The following FAM193A variants were observed in gnomAD, a reference collection of about 807,000 sequenced individuals.
The protein encoded by FAM193A is protein FAM193A.
In FAM193A, 22 loss-of-function variants were observed where a neutral mutation model predicts 126.5. That is an observed-to-expected ratio of 0.17 (90% CI 0.12 to 0.25). FAM193A has a LOEUF of 0.25. Ranked by LOEUF, FAM193A falls within the 10% of genes least tolerant of loss-of-function variation. The pLI is 1.00. For missense variants in FAM193A, 1,675 were observed against 1,672.8 expected, an observed-to-expected ratio of 1.00 and a Z score of -0.02; for synonymous variants, 761 against 646.8, an observed-to-expected ratio of 1.18 and a Z score of -2.68.
At chr4:2,677,734 A>G (rs1289248307) in intron 13 of FAM193A, among the ~76,000 whole-genome samples, 1 of 144,190 alleles carries the variant, frequency 6.9e-6, no homozygotes, top group East Asian at 2.0e-4. Flanking sequence ...AGAGGGAAAC[A>G]CTGTCTCAAA....
At chr4:2,661,404 G>A (rs185186212) in intron 10 of FAM193A, among the ~76,000 whole-genome samples, 28 of 152,292 alleles carry the variant, frequency 1.8e-4, no homozygotes, top group African/African-American at 6.7e-4. Context: ...CGGAGCTAGG[G>A]CTGGTGAAGC....
chr4:2,646,626 G>T, intron 6 of FAM193A, 59 bp from the exon 7 acceptor site: 2 of 1,515,676 alleles, frequency 1.3e-6, no homozygotes, highest in Middle Eastern at 1.8e-4. Flanking sequence ...GCACATTTCT[G>T]ATCTCTGCTT....
At chr4:2,662,586 T>C (rs1257141439) in intron 10 of FAM193A, among the ~76,000 whole-genome samples, 3 of 152,238 alleles carry the variant, frequency 2.0e-5, no homozygotes, top group Non-Finnish European at 4.4e-5. Flanking sequence ...TTCCTTAATA[T>C]TTCTACTTTT....
chr4:2,712,960 C>T (rs2109360024), intron 19 of FAM193A, among the ~76,000 whole-genome samples: 1 of 151,898 alleles, frequency 6.6e-6, no homozygotes, highest in Admixed American at 6.6e-5. Flanking sequence ...AAAAATTAGC[C>T]CAGGTGTGGT....
At chr4:2,694,600 T>G (rs977571181) in intron 16 of FAM193A, among the ~76,000 whole-genome samples, 17 of 152,144 alleles carry the variant, frequency 1.1e-4, no homozygotes, top group African/African-American at 4.1e-4. Context: ...CTGTTACCTT[T>G]GAACTCGCCT....
chr4:2,730,704 A>G (rs1416729722), intron 20 of FAM193A, among the ~76,000 whole-genome samples: 1 of 149,554 alleles, frequency 6.7e-6, no homozygotes, highest in Non-Finnish European at 1.5e-5. Context: ...AAAAAAAAAA[A>G]GCTTCTTGGC....
intron 1 of FAM193A, among the ~76,000 whole-genome samples, chr4:2,566,109 A>G (rs1738930508): frequency 1.3e-5 from 2 of 150,326 alleles, no homozygotes; most frequent in Non-Finnish European, 2.9e-5. Context: ...GTGCAGTGGC[A>G]CAATCTTGGC....
chr4:2,567,610 A>T (rs949444762), intron 1 of FAM193A, among the ~76,000 whole-genome samples: 1 of 152,190 alleles, frequency 6.6e-6, no homozygotes, highest in Admixed American at 6.5e-5. Flanking sequence ...TTTTATTTTC[A>T]TCTCATTGTA....
chr4:2,657,156 A>T (rs1462115805), intron 7 of FAM193A, among the ~76,000 whole-genome samples: 1 of 152,208 alleles, frequency 6.6e-6, no homozygotes, highest in African/African-American at 2.4e-5. Context: ...TGATATAGCG[A>T]GACTCAGTCT....
intron 20 of FAM193A, among the ~76,000 whole-genome samples, chr4:2,720,647 TA>T (rs200511084): frequency 0.29 from 34,443 of 118,676 alleles, 4,159 homozygotes; most frequent in Middle Eastern, 0.41. Flanking sequence ...AGACTCTGTC[TA>T]AAAAAAAAAA....
intron 6 of FAM193A, among the ~76,000 whole-genome samples, chr4:2,644,469 C>G (rs1390830481): frequency 6.6e-6 from 1 of 152,164 alleles, no homozygotes; most frequent in East Asian, 1.9e-4. Flanking sequence ...AAAACTACTT[C>G]ACGGGCTGCA....
intron 7 of FAM193A, among the ~76,000 whole-genome samples, chr4:2,655,425 G>A (rs1357437537): frequency 6.9e-6 from 1 of 144,128 alleles, no homozygotes; most frequent in African/African-American, 2.9e-5. Flanking sequence ...GATTTAGGAC[G>A]TGTGTGTGTG....
chr4:2,541,521 C>T (rs1437101896), intron 1 of FAM193A, among the ~76,000 whole-genome samples: 1 of 149,302 alleles, frequency 6.7e-6, no homozygotes, highest in African/African-American at 2.5e-5. Context: ...TCTTGACTCA[C>T]TGCAACCTCC....
chr4:2,690,876 G>T lies in FAM193A; in HGVS notation c.2709G>T (p.Thr903=). 1 of 1,614,108 alleles carries T rather than the reference G, an allele frequency of 6.2e-7. No individual in the cohort carries two copies. The highest frequency in any genetic ancestry group is 8.5e-7 in the Non-Finnish European group (1 of 1,179,988). ...AAGCAAATAAAGTTGTCATGGCCAC[G>T]TCATCAGCCACGTCCTCTGTGTCCT... ...FMEANKVVMA[T]SSATSSVSCT... The change falls in exon 15 of 21, where the codon ACG becomes ACT. Residue 903 remains threonine (T), a synonymous_variant. Transcript: ENST00000637812.
At chr4:2,641,066 T>G (rs1339900102) in intron 6 of FAM193A, among the ~76,000 whole-genome samples, 4 of 151,756 alleles carry the variant, frequency 2.6e-5, no homozygotes, top group African/African-American at 9.7e-5. Context: ...TTTGAGACAG[T>G]GTCTTGCTCT....
rs901179849 is a variant in FAM193A, at chr4:2,721,206, G to A, written c.4454+5102G>A. 2.7e-5 allele frequency among the ~76,000 whole-genome samples: 4 copies of A among 150,390 alleles called. No homozygotes were observed. The South Asian group carries it at 6.3e-4, about 24-fold the overall frequency. ...CGGGCACCTGTAGTCCCAGCTACTCGGGAGGCTGAGGCAGGAGAATGGCGT... is the reference window on the plus strand; with the variant it reads ...CGGGCACCTGTAGTCCCAGCTACTCAGGAGGCTGAGGCAGGAGAATGGCGT... On this transcript the variant is annotated intron_variant, in intron 20 of 20. Transcript: ENST00000637812.
At chr4:2,615,612 G>A (rs1304324757) in intron 2 of FAM193A, among the ~76,000 whole-genome samples, 3 of 151,026 alleles carry the variant, frequency 2.0e-5, no homozygotes, top group East Asian at 3.9e-4. Context: ...TCTGCCTCCC[G>A]GGTTCAAGCA....
intron 2 of FAM193A, among the ~76,000 whole-genome samples, chr4:2,624,396 G>A (rs1029207086): frequency 6.6e-6 from 1 of 152,110 alleles, no homozygotes; most frequent in African/African-American, 2.4e-5. Flanking sequence ...CGCCTGCCTC[G>A]GCCTCCCAAA....
At chr4:2,546,349 A>C (rs1284840362) in intron 1 of FAM193A, among the ~76,000 whole-genome samples, 1 of 152,102 alleles carries the variant, frequency 6.6e-6, no homozygotes, top group Non-Finnish European at 1.5e-5. Flanking sequence ...GTAGATTCAT[A>C]TATCTACTAC....
Sources: allele counts gnomAD v4.1 joint callset (sites outside exome capture counted in the v4.1 genomes callset), GRCh38; gene constraint gnomAD v4.1.1; transcripts MANE v1.5; gene names NCBI Gene and HGNC (gene_info 2026-07-23, HGNC 2026-07-21).